Variants in BRWD1 observed in about 807,000 individuals in gnomAD.
BRWD1 encodes the protein bromodomain and WD repeat-containing protein 1.
BRWD1 carries 82 observed loss-of-function variants against 251.2 expected under a neutral mutation model. That is an observed-to-expected ratio of 0.33 (90% CI 0.27 to 0.39). The LOEUF (loss-of-function observed/expected upper bound fraction) is 0.39, where lower values mean the gene tolerates loss of function less well. Ranked by LOEUF, BRWD1 falls within the 10% of genes least tolerant of loss-of-function variation. BRWD1 has a pLI of 1.00. For missense variants in BRWD1, 2,233 were observed against 2,711.6 expected (o/e 0.82, Z 3.92); for synonymous variants, 918 against 902.8 (o/e 1.02, Z -0.30).
rs1483535945 is a variant in BRWD1 at position 39,277,327 on chromosome 21, C to T, written c.1028G>A (p.Ser343Asn). The T allele has an allele frequency of 6.3e-7, 1 of 1,598,652 alleles. No individual in the cohort carries two copies. Among genetic ancestry groups the T allele is most frequent in the South Asian group, 1.1e-5 (1 of 87,968 alleles). The change falls in exon 11 of 41, where the codon AGT becomes AAT. Residue 343 changes from serine to asparagine, a missense_variant. Physicochemically the swap from Ser to Asn is conservative, Grantham distance 46. Coordinates refer to ENST00000342449, the MANE Select transcript of BRWD1 (RefSeq NM_033656.4). ...ATACATTCTGATTACATGATCAGTACTACCTGTGGCTAAAAACATACCACC... is the reference window on the plus strand; with the variant it reads ...ATACATTCTGATTACATGATCAGTATTACCTGTGGCTAAAAACATACCACC... ...SVGGMFLATGSTDHVIRMYFL... is the reference protein window; with the variant it reads ...SVGGMFLATGNTDHVIRMYFL...
chr21:39,255,564 A>G (rs2034537606), intron 19 of BRWD1, 81 bp downstream of exon 19: 1 of 1,153,964 alleles, frequency 8.7e-7, no homozygotes, highest in Non-Finnish European at 1.3e-6. Context: ...TACACAATTA[A>G]TGGAATACAG....
intron 21 of BRWD1, among the ~76,000 whole-genome samples, chr21:39,247,485 T>C (rs1396455609): frequency 2.6e-5 from 4 of 152,222 alleles, no homozygotes; most frequent in African/African-American, 9.6e-5. Flanking sequence ...TGAGTTGGGA[T>C]GCTCAACATG....
In BRWD1 at chr21:39,212,716, A is replaced by T; in HGVS notation, c.3859-9T>A. 6.4e-7 allele frequency: 1 copy of T among 1,556,882 alleles called. No homozygotes were observed. The highest frequency in any genetic ancestry group is 1.1e-5 in the South Asian group (1 of 87,452). On this transcript the variant is annotated splice_polypyrimidine_tract_variant and intron_variant, in intron 33 of 40. Transcript: ENST00000342449. ...GGAAGATCACTATCATCCTAGGAATAAAATCAGAGCACCTTAAGTATTTAG... is the reference window on the plus strand; with the variant it reads ...GGAAGATCACTATCATCCTAGGAATTAAATCAGAGCACCTTAAGTATTTAG...
At chr21:39,281,232 AT>A (rs975379499) in intron 8 of BRWD1, among the ~76,000 whole-genome samples, 1 of 152,164 alleles carries the variant, frequency 6.6e-6, no homozygotes, top group African/African-American at 2.4e-5. Flanking sequence ...CAGCCAAACG[AT>A]TTGTCTTACA....
At chr21:39,217,822 A>T (rs1601302653) in intron 31 of BRWD1, among the ~76,000 whole-genome samples, 1 of 152,200 alleles carries the variant, frequency 6.6e-6, no homozygotes, top group African/African-American at 2.4e-5. Flanking sequence ...AAAACAAATT[A>T]TGTCTTCAAT....
At chr21:39,201,171 C>T (rs541270184) in intron 38 of BRWD1, among the ~76,000 whole-genome samples, 12 of 152,094 alleles carry the variant, frequency 7.9e-5, no homozygotes, top group African/African-American at 1.9e-4. Context: ...AACAGCTACA[C>T]GAGAGAAAGA....
intron 4 of BRWD1, 151 bp downstream of exon 4, chr21:39,312,690 A>C: frequency 4.4e-6 from 2 of 454,962 alleles, no homozygotes; most frequent in Non-Finnish European, 7.9e-6. Context: ...AACAAAACAA[A>C]ATCTTCAGCC....
chr21:39,302,648 T>C (rs1346360565), intron 4 of BRWD1, among the ~76,000 whole-genome samples: 1 of 151,420 alleles, frequency 6.6e-6, no homozygotes, highest in African/African-American at 2.4e-5. Context: ...TCCCAGCTAC[T>C]TGGGAGGCTG....
intron 2 of BRWD1, 48 bp from the exon 3 acceptor site, chr21:39,313,149 C>A: frequency 6.7e-7 from 1 of 1,494,716 alleles, no homozygotes; most frequent in Admixed American, 2.3e-5. Flanking sequence ...GCCCGGGGCG[C>A]TCCCGTTTCA....
rs1037379252 is a variant in BRWD1 at position 39,193,635 on chromosome 21, G to C, written c.*2624C>G. 2.6e-5 allele frequency: 26 copies of C among 985,272 alleles called. No individual in the cohort carries two copies. The highest frequency in any genetic ancestry group is 3.5e-5 in the African/African-American group (2 of 57,154). The allele number at this position is 985,272 out of a possible 1,614,324, so 61.0% of individuals were successfully genotyped here. A position where few individuals can be genotyped will look rare whatever the true frequency, so the allele number is the denominator to read the frequency against. On this transcript the variant is annotated 3_prime_UTR_variant, in exon 41 of 41. Coordinates refer to ENST00000342449, the MANE Select transcript of BRWD1 (RefSeq NM_033656.4). ...TGTTTTTCACATACACCATTAAGTTGAACTTCAAGTGCAGTGGAAAGGTAC... is the reference window on the plus strand; with the variant it reads ...TGTTTTTCACATACACCATTAAGTTCAACTTCAAGTGCAGTGGAAAGGTAC...
At chr21:39,303,668 A>C (rs754926352) in intron 4 of BRWD1, among the ~76,000 whole-genome samples, 7 of 151,358 alleles carry the variant, frequency 4.6e-5, no homozygotes, top group Non-Finnish European at 8.8e-5. Context: ...CATCTCTACA[A>C]AAAAAATAGC....
Position 39,284,891 on chromosome 21 carries a change from GTTTCC to G in BRWD1, c.832-4648_832-4644del, listed in dbSNP as rs2035584695. On this transcript the variant is annotated intron_variant, in intron 8 of 40. Transcript: ENST00000342449. ...GTTGTCTCTTCGATCTATATTGTTT[GTTTCC>G]TTTGCTGTGCAGAAGCTTTGTAGTT... Among the ~76,000 whole-genome samples, 6 of 152,184 alleles carry G rather than the reference GTTTCC, an allele frequency of 3.9e-5. 1 individual carries two copies. The South Asian group carries it at 1.2e-3, about 32-fold the overall frequency.
intron 21 of BRWD1, among the ~76,000 whole-genome samples, chr21:39,244,933 T>TATATATATATATATATATATATATAC (rs2034131087): frequency 6.9e-6 from 1 of 144,694 alleles, no homozygotes; most frequent in African/African-American, 2.5e-5. Flanking sequence ...TATATATATA[T>TATATATATATATATATATATATATAC]ATATATATAT....
rs2031704988 is a variant in BRWD1 at position 39,194,393 on chromosome 21, T to G, written c.*1866A>C. 2 of 1,123,998 alleles carry G rather than the reference T, an allele frequency of 1.8e-6. No homozygotes were observed. Among genetic ancestry groups the G allele is most frequent in the Admixed American group, 9.3e-5 (2 of 21,614 alleles). 69.6% of individuals were successfully genotyped at this position (1,123,998 alleles called of 1,614,324 possible). A position where few individuals can be genotyped will look rare whatever the true frequency, so the allele number is the denominator to read the frequency against. Reference sequence around the variant, plus strand: ...TGACATCTATCACCAGTTTTTAAAATTAGCAAAGTAAAAGGCATCCCATTA... The same window carrying G: ...TGACATCTATCACCAGTTTTTAAAAGTAGCAAAGTAAAAGGCATCCCATTA... On this transcript the variant is annotated 3_prime_UTR_variant, in exon 41 of 41. Transcript: ENST00000342449.
At chr21:39,267,922 C>T (rs931640750) in intron 15 of BRWD1, among the ~76,000 whole-genome samples, 6 of 152,032 alleles carry the variant, frequency 3.9e-5, no homozygotes, top group Admixed American at 6.6e-5. Flanking sequence ...AAAGGTTTTA[C>T]ATGAAATAAG....
At chr21:39,277,119 T>C in intron 11 of BRWD1, 132 bp downstream of exon 11, 1 of 515,696 alleles carries the variant, frequency 1.9e-6, no homozygotes, top group Non-Finnish European at 3.2e-6. Flanking sequence ...ATCAAAAAGT[T>C]ATAAATGACA....
chr21:39,314,510 A>G (rs2036653303), upstream of BRWD1: 2 of 360,738 alleles, frequency 5.5e-6, no homozygotes, highest in African/African-American at 4.3e-5. Context: ...AGTCATGTGC[A>G]GTTAGAATCC....
chr21:39,277,194 A>T, intron 11 of BRWD1, 57 bp downstream of exon 11: 4 of 1,265,742 alleles, frequency 3.2e-6, no homozygotes, highest in Non-Finnish European at 3.3e-6. Context: ...GCCCCTTAGC[A>T]ATAACAGGAA....
At chr21:39,268,340 C>T (rs922903443) in intron 15 of BRWD1, among the ~76,000 whole-genome samples, 2 of 151,234 alleles carry the variant, frequency 1.3e-5, no homozygotes, top group African/African-American at 4.9e-5. Flanking sequence ...ATTCGGGAGG[C>T]TGAGGCAGCA....
Sources: allele counts gnomAD v4.1 joint callset (sites outside exome capture counted in the v4.1 genomes callset), GRCh38; gene constraint gnomAD v4.1.1; transcripts MANE v1.5; gene names NCBI Gene and HGNC (gene_info 2026-07-23, HGNC 2026-07-21).